Variants in AGO2 observed in about 807,000 individuals in gnomAD.
AGO2 encodes argonaute RISC catalytic component 2.
A neutral mutation model predicts 102.3 loss-of-function variants in AGO2; 5 were observed. The ratio of observed to expected loss-of-function variants is 0.05; its 90% CI spans 0.03 to 0.10. AGO2 has a LOEUF of 0.10. AGO2 is among the 10% of genes least tolerant of loss of function. The pLI is 1.00. For synonymous variants in AGO2, 449 were observed against 473.1 expected (o/e 0.95, Z 0.66); for missense variants, 541 against 1,183.7 (o/e 0.46, Z 7.97).
At chr8:140,639,564 G>T (rs1016464301), upstream of AGO2, among the ~76,000 whole-genome samples, 4 of 151,306 alleles carry the variant, frequency 2.6e-5, no homozygotes, top group Non-Finnish European at 4.4e-5. Flanking sequence ...TGAGAGGATT[G>T]CTTGAGGCCA....
intron 3 of AGO2, among the ~76,000 whole-genome samples, chr8:140,570,035 GAGA>G (rs2073353745): frequency 1.3e-5 from 2 of 152,248 alleles, no homozygotes; most frequent in African/African-American, 4.8e-5. Context: ...GACACGATGC[GAGA>G]AGATGGACAT....
chr8:140,601,278 C>A (rs1455884611), intron 1 of AGO2, among the ~76,000 whole-genome samples: 1 of 152,228 alleles, frequency 6.6e-6, no homozygotes, highest in Non-Finnish European at 1.5e-5. Context: ...CCACTCACCT[C>A]CTTCAGGTCT....
Position 140,522,749 on chromosome 8 carries a change from G to GAGAGAGAA in AGO2, c.*9294_*9295insTTCTCTCT, listed in dbSNP as rs1274709082. The GAGAGAGAA allele has an allele frequency of 6.7e-6, 1 of 149,418 alleles. No individual in the cohort carries two copies. The highest frequency in any genetic ancestry group is 2.5e-5 in the African/African-American group (1 of 40,590). The allele number at this position is 149,418 out of a possible 1,614,324, so 9.3% of individuals were successfully genotyped here. On this transcript the variant is annotated 3_prime_UTR_variant, in exon 19 of 19. Transcript: ENST00000220592. ...GGGGAGAGAGAGAGAGAGAGAGAGA[G>GAGAGAGAA]GTGTATCACTGAATGCTTCCCTTTA...
intron 2 of AGO2, among the ~76,000 whole-genome samples, chr8:140,578,257 T>G (rs2073497922): frequency 6.6e-6 from 1 of 152,230 alleles, no homozygotes; most frequent in Non-Finnish European, 1.5e-5. Flanking sequence ...CATGACCACG[T>G]ATTTGGCAGT....
rs967973171 is a variant in AGO2, at chr8:140,578,240, A to C, written c.216-5308T>G. 6.4e-4 allele frequency among the ~76,000 whole-genome samples: 97 copies of C among 152,114 alleles called. 2 individuals are homozygous for C. The highest frequency in any genetic ancestry group is 2.6e-4 in the Admixed American group (4 of 15,194). ...AACACGGGGGGTCCCTTCCCTCCTC[A>C]AACACACATGACCACGTATTTGGCA... On this transcript the variant is annotated intron_variant, in intron 2 of 18. Transcript: ENST00000220592.
At chr8:140,572,118 AAG>A (rs1344809254) in intron 3 of AGO2, 1 of 152,232 alleles carries the variant, frequency 6.6e-6, no homozygotes, top group Non-Finnish European at 1.5e-5. Flanking sequence ...CATTTGTTGA[AAG>A]ATATTCTCAA....
At position 140,523,108 on chromosome 8, in the gene AGO2, A is replaced by C. The variant is rs1480593029; in HGVS notation, c.*8936T>G. On this transcript the variant is annotated 3_prime_UTR_variant, in exon 19 of 19. Transcript: ENST00000220592. ...ATAAGAGTTTATACAGAAACTGCCA[A>C]TTCACAAAACAGCACTGCATGGTTT... 1 of 152,240 alleles carries C rather than the reference A, an allele frequency of 6.6e-6. No homozygotes were observed. The highest frequency in any genetic ancestry group is 1.5e-5 in the Non-Finnish European group (1 of 68,054). The allele number at this position is 152,240 out of a possible 1,614,324, so 9.4% of individuals were successfully genotyped here. A position where few individuals can be genotyped will look rare whatever the true frequency, so the allele number is the denominator to read the frequency against.
intron 1 of AGO2, among the ~76,000 whole-genome samples, chr8:140,617,811 G>T (rs189273685): frequency 6.6e-6 from 1 of 151,592 alleles, no homozygotes; most frequent in African/African-American, 2.4e-5. Flanking sequence ...GAGCCCAGGC[G>T]TTTGAGAGCA....
In AGO2 at chr8:140,619,231, C is replaced by T. The variant is rs535968060; in HGVS notation, c.22+16254G>A. ...CCAAGTCGCTAGGGATGGGCTGTGG[C>T]GCAGGCTCGGGAGCAAGTCTAATAT... is the stretch of plus-strand genomic sequence containing the variant. On this transcript the variant is annotated intron_variant, in intron 1 of 18. Coordinates refer to ENST00000220592, the MANE Select transcript of AGO2 (RefSeq NM_012154.5). Among the ~76,000 whole-genome samples the T allele has an allele frequency of 2.4e-4, 37 of 152,312 alleles. No individual in the cohort carries two copies. In the East Asian group the frequency reaches 5.6e-3, roughly 23 times the overall value.
rs571809287 is a variant in AGO2 at position 140,521,179 on chromosome 8, G to A, written c.*10865C>T. 1 of 152,278 alleles carries A rather than the reference G, an allele frequency of 6.6e-6. No homozygotes were observed. Among genetic ancestry groups the A allele is most frequent in the African/African-American group, 2.4e-5 (1 of 41,560 alleles). The allele number at this position is 152,278 out of a possible 1,614,324, so 9.4% of individuals were successfully genotyped here. On this transcript the variant is annotated 3_prime_UTR_variant, in exon 19 of 19. Transcript: ENST00000220592. ...GGTTAAAAACACAATGCGTCCTGGG[G>A]AGCCAATTGCCCGGCACGTCTTATT...
At chr8:140,634,909 G>C (rs1296934658) in intron 1 of AGO2, among the ~76,000 whole-genome samples, 1 of 152,110 alleles carries the variant, frequency 6.6e-6, no homozygotes, top group Non-Finnish European at 1.5e-5. Flanking sequence ...AACAAGAAGG[G>C]CCACAACGGA....
chr8:140,552,740 G>GCGCGCGCGCA (rs111262864), intron 10 of AGO2, among the ~76,000 whole-genome samples: 46 of 130,966 alleles, frequency 3.5e-4, no homozygotes, highest in African/African-American at 9.4e-4. Context: ...GCGCGCGCGC[G>GCGCGCGCGCA]CACACACACA....
At chr8:140,606,314 G>C (rs1024206747) in intron 1 of AGO2, among the ~76,000 whole-genome samples, 25 of 152,228 alleles carry the variant, frequency 1.6e-4, no homozygotes, top group Non-Finnish European at 2.8e-4. Context: ...CCTACTGCGA[G>C]AGCAAGCGAG....
intron 1 of AGO2, among the ~76,000 whole-genome samples, chr8:140,591,161 G>A (rs2073741416): frequency 6.6e-6 from 1 of 152,264 alleles, no homozygotes; most frequent in Non-Finnish European, 1.5e-5. Flanking sequence ...CTTCTGTTGA[G>A]CACTTCTGTG....
chr8:140,642,009 G>A, the AGO2 span, among the ~76,000 whole-genome samples: 7 of 151,704 alleles, frequency 4.6e-5, no homozygotes, highest in Non-Finnish European at 2.9e-5. Flanking sequence ...GCCACTGTAC[G>A]TCAGCCTGGT....
chr8:140,636,169 C>G (rs1213481826), upstream of AGO2: 1 of 152,128 alleles, frequency 6.6e-6, no homozygotes, highest in Non-Finnish European at 1.5e-5. Flanking sequence ...TCCCTCCCAG[C>G]CCGGAGCTTG....
chr8:140,553,720 A>T (rs933912593), intron 10 of AGO2, among the ~76,000 whole-genome samples: 1 of 132,358 alleles, frequency 7.6e-6, no homozygotes, highest in Non-Finnish European at 1.6e-5. Context: ...TTTTTTTGAG[A>T]CAGTGTCTCA....
At chr8:140,572,062 C>T (rs2132975641) in intron 3 of AGO2, 1 of 152,312 alleles carries the variant, frequency 6.6e-6, no homozygotes, top group South Asian at 2.1e-4. Flanking sequence ...CGGGTTTCTG[C>T]TCTTCTTCTA....
chr8:140,540,997 G>A lies in AGO2; in HGVS notation c.2034+167C>T, dbSNP rs1008662514. Among the ~76,000 whole-genome samples the A allele has an allele frequency of 6.8e-6, 1 of 147,456 alleles. No individual in the cohort carries two copies. The highest frequency in any genetic ancestry group is 2.5e-5 in the African/African-American group (1 of 40,358). On this transcript the variant is annotated intron_variant, in intron 15 of 18. Transcript: ENST00000220592. The surrounding 1 kb of genome is among the most constrained non-coding windows in gnomAD (Gnocchi z 5.0). ...CATGTGTTAGGGTCTCGACAGCCCC[G>A]TGTCCCATCTCCTCCCCTGGACCCC...
Sources: gnomAD v4.1 joint callset for allele counts (sites outside exome capture counted in the v4.1 genomes callset) on GRCh38, gnomAD v4.1.1 for gene constraint, Gnocchi (gnomAD v3.1) non-coding constraint, MANE v1.5 for transcripts, NCBI Gene and HGNC (gene_info 2026-07-23, HGNC 2026-07-21) for gene names.